The following CSMD1 variants were observed in gnomAD, a reference collection of about 807,000 sequenced individuals.
The protein encoded by CSMD1 is CUB and Sushi multiple domains 1.
Under a neutral mutation model 417.5 loss-of-function variants are expected in CSMD1, and 213 were observed. That is an observed-to-expected ratio of 0.51 (90% CI 0.46 to 0.57). The LOEUF is 0.57. Among genes scored for constraint, CSMD1 ranks in the 20% least tolerant of loss-of-function variants. The pLI is 0.00. For synonymous variants in CSMD1, 2,862 were observed against 1,736.8 expected (o/e 1.65, Z -16.11); for missense variants, 6,923 against 4,529.7 (o/e 1.53, Z -15.17).
chr8:4,209,416 G>A (rs1800170779), intron 3 of CSMD1, among the ~76,000 whole-genome samples: 1 of 152,134 alleles, frequency 6.6e-6, no homozygotes. Context: ...CTGTGGAATT[G>A]TATGAGGTGT....
chr8:4,002,238 C>T (rs934870317), intron 4 of CSMD1, among the ~76,000 whole-genome samples: 10 of 151,770 alleles, frequency 6.6e-5, no homozygotes, highest in African/African-American at 2.2e-4. Context: ...CATGTGTGTG[C>T]GTGTGTTTGT....
chr8:3,482,163 G>C (rs759665603), intron 11 of CSMD1, among the ~76,000 whole-genome samples: 1 of 152,122 alleles, frequency 6.6e-6, no homozygotes, highest in African/African-American at 2.4e-5. Context: ...TAAAATGCCA[G>C]ACAAAGCACT....
At chr8:3,077,866 T>C (rs142137082) in intron 49 of CSMD1, among the ~76,000 whole-genome samples, 28 of 152,368 alleles carry the variant, frequency 1.8e-4, no homozygotes, top group African/African-American at 6.0e-4. Context: ...ACAGGGCATT[T>C]CACTGTCTTT....
chr8:4,859,325 C>T (rs567594537), intron 1 of CSMD1, among the ~76,000 whole-genome samples: 4 of 152,180 alleles, frequency 2.6e-5, no homozygotes, highest in South Asian at 4.2e-4. Context: ...AGAAGAAAAC[C>T]TAGGCATTAC....
chr8:2,988,918 C>T (rs974112892), intron 54 of CSMD1, among the ~76,000 whole-genome samples: 2 of 152,078 alleles, frequency 1.3e-5, no homozygotes, highest in African/African-American at 2.4e-5. Context: ...CACAGTAGCA[C>T]GGATTTACCT....
In CSMD1 at chr8:4,209,167, A is replaced by G. The variant is rs147855694; in HGVS notation, c.416-177068T>C. 1.8e-4 allele frequency among the ~76,000 whole-genome samples: 28 copies of G among 152,300 alleles called. No homozygotes were observed. In the East Asian group the frequency reaches 5.4e-3, roughly 29 times the overall value. ...AAACCAAAATCTGCCCTAGAGCCCA[A>G]GGTTCTTTCCAGATGTAGGTGGCTT... On this transcript the variant is annotated intron_variant, in intron 3 of 69. Transcript: ENST00000635120.
chr8:4,535,642 A>G (rs1797065792), intron 2 of CSMD1, among the ~76,000 whole-genome samples: 1 of 152,150 alleles, frequency 6.6e-6, no homozygotes, highest in Non-Finnish European at 1.5e-5. Context: ...CATTCTGTTC[A>G]TGATTTGCCA....
chr8:4,353,147 C>T (rs535759269), intron 3 of CSMD1, among the ~76,000 whole-genome samples: 1 of 152,100 alleles, frequency 6.6e-6, no homozygotes, highest in African/African-American at 2.4e-5. Flanking sequence ...GGCTGTGTCC[C>T]CACACAACTG....
intron 3 of CSMD1, among the ~76,000 whole-genome samples, chr8:4,411,764 C>CT (rs1480911870): frequency 6.6e-6 from 1 of 152,264 alleles, no homozygotes; most frequent in East Asian, 1.9e-4. Context: ...TATCCAAGTA[C>CT]TTTATCTTTT....
intron 3 of CSMD1, among the ~76,000 whole-genome samples, chr8:4,400,080 A>T (rs536112018): frequency 2.0e-5 from 3 of 152,140 alleles, no homozygotes; most frequent in Non-Finnish European, 4.4e-5. Flanking sequence ...CAAAAGAGAG[A>T]TCTAAATACG....
intron 23 of CSMD1, among the ~76,000 whole-genome samples, chr8:3,324,018 G>A (rs1806331704): frequency 6.8e-6 from 1 of 147,218 alleles, no homozygotes; most frequent in South Asian, 2.2e-4. Context: ...CAGAGACCCA[G>A]GAGGGGGAGT....
At chr8:4,690,485 T>C (rs1170066740) in intron 1 of CSMD1, among the ~76,000 whole-genome samples, 1 of 152,180 alleles carries the variant, frequency 6.6e-6, no homozygotes. Flanking sequence ...AAAGTTTTAC[T>C]GGGTAATATA....
intron 3 of CSMD1, among the ~76,000 whole-genome samples, chr8:4,417,989 C>G (rs1459639345): frequency 6.6e-6 from 1 of 151,988 alleles, no homozygotes; most frequent in Non-Finnish European, 1.5e-5. Context: ...CCACTTAAGA[C>G]TATAATTGAT....
intron 10 of CSMD1, among the ~76,000 whole-genome samples, chr8:3,512,455 G>C (rs1044935295): frequency 2.0e-5 from 3 of 152,062 alleles, no homozygotes; most frequent in African/African-American, 7.2e-5. Flanking sequence ...TGAGCAATGT[G>C]CCCATGACAC....
intron 3 of CSMD1, among the ~76,000 whole-genome samples, chr8:4,136,917 T>G (rs1386593884): frequency 6.6e-6 from 1 of 152,242 alleles, no homozygotes; most frequent in Non-Finnish European, 1.5e-5. Flanking sequence ...CAGCCACTCT[T>G]TCTCCCAAGT....
chr8:4,052,607 G>A (rs931995159), intron 3 of CSMD1, among the ~76,000 whole-genome samples: 1 of 152,110 alleles, frequency 6.6e-6, no homozygotes, highest in African/African-American at 2.4e-5. Context: ...TATAATTTAA[G>A]TATTTAGACC....
intron 1 of CSMD1, among the ~76,000 whole-genome samples, chr8:4,868,685 G>A (rs1802558636): frequency 6.6e-6 from 1 of 151,942 alleles, no homozygotes; most frequent in African/African-American, 2.4e-5. Flanking sequence ...ACAACTAACA[G>A]TATGGTGTCT....
intron 3 of CSMD1, among the ~76,000 whole-genome samples, chr8:4,263,510 A>G (rs1434621329): frequency 6.6e-6 from 1 of 152,182 alleles, no homozygotes; most frequent in Non-Finnish European, 1.5e-5. Context: ...GTGGCAGTTA[A>G]TTTACTTCTC....
intron 2 of CSMD1, among the ~76,000 whole-genome samples, chr8:4,584,184 G>C (rs11987631): frequency 0.14 from 20,879 of 151,760 alleles, 1,698 homozygotes; most frequent in African/African-American, 0.24. Context: ...TCACTGCGAC[G>C]GTCCGTGGCA....
Sources: allele counts gnomAD v4.1 joint callset (sites outside exome capture counted in the v4.1 genomes callset), GRCh38; gene constraint gnomAD v4.1.1; transcripts MANE v1.5; gene names NCBI Gene and HGNC (gene_info 2026-07-23, HGNC 2026-07-21).